The following SLC47A2 variants were observed in gnomAD, a reference collection of about 807,000 sequenced individuals.
SLC47A2 encodes the protein multidrug and toxin extrusion protein 2.
A neutral mutation model predicts 67.7 loss-of-function variants in SLC47A2; 52 were observed. That is an observed-to-expected ratio of 0.77 (90% confidence interval 0.61 to 0.97). The LOEUF is 0.97. SLC47A2 is among the 50% of genes least tolerant of loss of function. SLC47A2 has a pLI of 0.00. For missense variants in SLC47A2, 676 were observed against 712.3 expected (o/e 0.95, Z 0.58); for synonymous variants, 278 against 292.9 (o/e 0.95, Z 0.52).
At chr17:19,707,932 C>T (rs534293700) in intron 7 of SLC47A2, 89 bp from the exon 8 acceptor site, 25 of 1,249,462 alleles carry the variant, frequency 2.0e-5, no homozygotes, top group African/African-American at 4.5e-5. Context: ...GCGGCCAGCC[C>T]GTGTGGGGCA....
intron 13 of SLC47A2, among the ~76,000 whole-genome samples, chr17:19,687,027 G>A (rs11653348): frequency 0.21 from 31,430 of 151,980 alleles, 3,663 homozygotes; most frequent in East Asian, 0.39. Flanking sequence ...TCATTCTCAA[G>A]GACAGACCAT....
chr17:19,716,780 C>T (rs2086280361), upstream of SLC47A2: 2 of 599,586 alleles, frequency 3.3e-6, no homozygotes, highest in Admixed American at 7.2e-5. Flanking sequence ...AGGACAGGTT[C>T]CTGGGAGTCA....
At chr17:19,681,722 A>AGGT (rs2085320712) in intron 13 of SLC47A2, 52 bp from the exon 14 acceptor site, 2 of 1,573,232 alleles carry the variant, frequency 1.3e-6, no homozygotes. Context: ...GACTAAGAGC[A>AGGT]GGTGTCATGC....
chr17:19,706,991 C>T (rs986051637), intron 8 of SLC47A2, among the ~76,000 whole-genome samples: 5 of 152,156 alleles, frequency 3.3e-5, no homozygotes, highest in African/African-American at 9.7e-5. Context: ...GGCCAGTCCA[C>T]GGTGTGGCCC....
At position 19,715,164 on chromosome 17, in the gene SLC47A2, G is replaced by A. The variant is rs1395393537; in HGVS notation, c.177C>T (p.Cys59=). ...FMIYIVSTVF[C]GHLGKVELAS... Reference sequence around the variant, plus strand: ...CCAGCTCCACCTTGCCCAGGTGCCCGCAGAACACAGTGCTCACGATGTAGA... The same window carrying A: ...CCAGCTCCACCTTGCCCAGGTGCCCACAGAACACAGTGCTCACGATGTAGA... The change falls in exon 2 of 17, where the codon TGC becomes TGT. Residue 59 remains cysteine, a synonymous_variant. Transcript: ENST00000433844. The A allele has an allele frequency of 5.6e-6, 9 of 1,612,272 alleles. No homozygotes were observed. Among genetic ancestry groups the A allele is most frequent in the Middle Eastern group, 1.7e-4 (1 of 6,056 alleles).
rs576024186 is a variant in SLC47A2, at chr17:19,685,464, T to A, written c.1165-3794A>T. 4.2e-3 allele frequency among the ~76,000 whole-genome samples: 640 copies of A among 152,020 alleles called. 3 individuals carry two copies. The highest frequency in any genetic ancestry group is 0.013 in the African/African-American group (546 of 41,448). ...AGCCCCTCTGCCTGGCCGCCCCGTC[T>A]GGGAAGTGAGGAGTGCCTCTGCCCA... On this transcript the variant is annotated intron_variant, in intron 13 of 16. Transcript: ENST00000433844. This position sits in a 1 kb window ranked among gnomAD's most constrained non-coding sequence, Gnocchi z 4.5.
chr17:19,683,350 A>C (rs2152338995), intron 13 of SLC47A2, among the ~76,000 whole-genome samples: 1 of 152,316 alleles, frequency 6.6e-6, no homozygotes, highest in South Asian at 2.1e-4. Flanking sequence ...TCTGGTCTAA[A>C]GTGCCAGTAG....
At chr17:19,694,905 G>A (rs2085623482) in intron 13 of SLC47A2, among the ~76,000 whole-genome samples, 1 of 116,998 alleles carries the variant, frequency 8.5e-6, no homozygotes. Flanking sequence ...AAAAGAGCAA[G>A]ACTCCATCTC....
Position 19,714,531 on chromosome 17 carries a change from T to C in SLC47A2, c.294+190A>G, listed in dbSNP as rs889626177. The C allele has an allele frequency of 2.2e-5, 15 of 678,002 alleles. No homozygotes were observed. In the African/African-American group the frequency reaches 2.3e-4, roughly 11 times the overall value. The allele number at this position is 678,002 out of a possible 1,614,324, so 42.0% of individuals were successfully genotyped here. A position where few individuals can be genotyped will look rare whatever the true frequency, so the allele number is the denominator to read the frequency against. The stretch of plus-strand genomic sequence containing the variant: ...TCCACCCCTTTCTCCTGGCCCAGAC[T>C]CTTTCAAAGGGGAGGGTCTGTTTCC... On this transcript the variant is annotated intron_variant, in intron 3 of 16. Transcript: ENST00000433844.
At chr17:19,713,782 G>A in intron 4 of SLC47A2, 43 bp downstream of exon 4, 1 of 1,587,794 alleles carries the variant, frequency 6.3e-7, no homozygotes, top group East Asian at 2.3e-5. Flanking sequence ...GGCGGCCCGG[G>A]TTTCCCAGCA....
Position 19,690,220 on chromosome 17 carries a change from G to A in SLC47A2, c.1165-8550C>T, listed in dbSNP as rs138611751. On this transcript the variant is annotated intron_variant, in intron 13 of 16. Coordinates refer to ENST00000433844, the MANE Select transcript of SLC47A2 (RefSeq NM_001099646.3). ...TGCCAGGAAAACTGGATATTCATACGTAGAAGAATGAAGCTAGACCCCTAT... is the reference window on the plus strand; with the variant it reads ...TGCCAGGAAAACTGGATATTCATACATAGAAGAATGAAGCTAGACCCCTAT... Among the ~76,000 whole-genome samples the A allele has an allele frequency of 4.3e-3, 650 of 152,272 alleles. 6 individuals carry two copies. Among genetic ancestry groups the A allele is most frequent in the African/African-American group, 0.015 (615 of 41,558 alleles).
rs1180531054 is a variant in SLC47A2, at chr17:19,680,113, C to A, written c.1393-74G>T. On this transcript the variant is annotated intron_variant, in intron 15 of 16. Coordinates refer to ENST00000433844, the MANE Select transcript of SLC47A2 (RefSeq NM_001099646.3). ...ACCCCTTCACTGCTAGCCTCGCATT[C>A]TCTGTTTTTAAAACATTGCAAGCTG... 18 of 1,439,302 alleles carry A rather than the reference C, an allele frequency of 1.3e-5. No homozygotes were observed. The East Asian group carries it at 4.2e-4, about 33-fold the overall frequency. 89.2% of individuals were successfully genotyped at this position (1,439,302 alleles called of 1,614,324 possible).
intron 13 of SLC47A2, among the ~76,000 whole-genome samples, chr17:19,691,231 G>C (rs1355200735): frequency 6.6e-6 from 1 of 152,112 alleles, no homozygotes; most frequent in Non-Finnish European, 1.5e-5. Flanking sequence ...ACTACCACGT[G>C]ATCCAGCAAT....
At chr17:19,693,255 A>G (rs565080140) in intron 13 of SLC47A2, among the ~76,000 whole-genome samples, 11 of 152,298 alleles carry the variant, frequency 7.2e-5, no homozygotes, top group African/African-American at 2.6e-4. Flanking sequence ...AAACCACATG[A>G]TTATCTCAAT....
intron 10 of SLC47A2, chr17:19,704,810 C>T (rs908176730): frequency 9.5e-5 from 46 of 486,672 alleles, no homozygotes; most frequent in African/African-American, 7.7e-4. Context: ...GCCTGCTGCT[C>T]GATGGAATGT....
Position 19,714,712 on chromosome 17 carries a change from G to A in SLC47A2, c.294+9C>T. The A allele has an allele frequency of 6.2e-7, 1 of 1,613,928 alleles. No individual in the cohort carries two copies. The highest frequency in any genetic ancestry group is 8.5e-7 in the Non-Finnish European group (1 of 1,180,032). ...CTGGCTTCCTGCCCAGCTCCAGGAGGCCACCCACCTGAGACATCAAGGTGT... is the reference window on the plus strand; with the variant it reads ...CTGGCTTCCTGCCCAGCTCCAGGAGACCACCCACCTGAGACATCAAGGTGT... On this transcript the variant is annotated intron_variant, in intron 3 of 16. Coordinates refer to ENST00000433844, the MANE Select transcript of SLC47A2 (RefSeq NM_001099646.3).
At chr17:19,706,840 C>T in intron 8 of SLC47A2, 79 bp from the exon 9 acceptor site, 1 of 1,127,504 alleles carries the variant, frequency 8.9e-7, no homozygotes, top group Non-Finnish European at 1.3e-6. Flanking sequence ...CAGGAGGCCC[C>T]TAAACCCCTT....
At chr17:19,706,891 G>C in intron 8 of SLC47A2, 130 bp from the exon 9 acceptor site, 2 of 643,672 alleles carry the variant, frequency 3.1e-6, no homozygotes, top group Non-Finnish European at 5.2e-6. Context: ...TCAGGCACTG[G>C]GCATTTTGCA....
At chr17:19,701,404 G>C (rs956983747) in intron 13 of SLC47A2, among the ~76,000 whole-genome samples, 4 of 152,068 alleles carry the variant, frequency 2.6e-5, no homozygotes, top group Admixed American at 2.0e-4. Context: ...AGTACACAGA[G>C]GCCTTTGGAA....
Sources: allele counts gnomAD v4.1 joint callset (sites outside exome capture counted in the v4.1 genomes callset), GRCh38; gene constraint gnomAD v4.1.1; non-coding constraint Gnocchi (gnomAD v3.1); transcripts MANE v1.5; gene names NCBI Gene and HGNC (gene_info 2026-07-23, HGNC 2026-07-21).